MAML3: variants seen among roughly 807,000 people sequenced by gnomAD.
MAML3 encodes mastermind-like protein 3.
Under a neutral mutation model 101.9 loss-of-function variants are expected in MAML3, and 27 were observed. The ratio of observed to expected loss-of-function variants is 0.27; its 90% CI spans 0.20 to 0.37. MAML3 has a LOEUF of 0.37. Ranked by LOEUF, MAML3 falls within the 10% of genes least tolerant of loss-of-function variation. The probability of loss-of-function intolerance (pLI) is 1.00; values close to 1 mark genes in which losing one functional copy is unlikely to be tolerated. For synonymous variants in MAML3, 501 were observed against 555.9 expected, an observed-to-expected ratio of 0.90 and a Z score of 1.39; for missense variants, 1,316 against 1,444.9, an observed-to-expected ratio of 0.91 and a Z score of 1.45.
chr4:139,851,468 A>G (rs1166530718), intron 2 of MAML3, among the ~76,000 whole-genome samples: 1 of 152,262 alleles, frequency 6.6e-6, no homozygotes, highest in Non-Finnish European at 1.5e-5. Context: ...AAGAAAAGCA[A>G]GAGAAACAGC....
At chr4:140,047,426 C>T (rs562886063) in intron 1 of MAML3, among the ~76,000 whole-genome samples, 2 of 152,220 alleles carry the variant, frequency 1.3e-5, no homozygotes, top group South Asian at 4.2e-4. Flanking sequence ...GTTTACTTGG[C>T]GGAATTGCAG....
chr4:140,091,319 G>T (rs184416918), intron 1 of MAML3, among the ~76,000 whole-genome samples: 1 of 152,034 alleles, frequency 6.6e-6, no homozygotes, highest in East Asian at 1.9e-4. Context: ...GCCAAGAGAG[G>T]GGCTGAGCTT....
chr4:140,050,969 C>G (rs1040065075), intron 1 of MAML3, among the ~76,000 whole-genome samples: 1 of 152,196 alleles, frequency 6.6e-6, no homozygotes, highest in African/African-American at 2.4e-5. Flanking sequence ...TCTAGAAACT[C>G]CACTTCCAGT....
intron 2 of MAML3, among the ~76,000 whole-genome samples, chr4:139,857,273 T>G (rs981701541): frequency 6.6e-6 from 1 of 152,126 alleles, no homozygotes; most frequent in Admixed American, 6.5e-5. Flanking sequence ...GAAGGTCTGT[T>G]TTTGAGCTAG....
At position 139,720,034 on chromosome 4, in the gene MAML3, T is replaced by C; in HGVS notation, c.2706A>G (p.Gln902=). ...ITHNQAQGPR[Q]PASGQGVGMV... The stretch of plus-strand genomic sequence containing the variant: ...TTCCAACCCCCTGCCCAGAGGCAGG[T>C]TGCCTCGGTCCCTGGGCTTGGTTAT... Residue 902 remains glutamine (Q), a synonymous_variant, in exon 5 of 5, where the codon CAA becomes CAG. Transcript: ENST00000509479. 1 of 1,614,044 alleles carries C rather than the reference T, an allele frequency of 6.2e-7. No homozygotes were observed. Among genetic ancestry groups the C allele is most frequent in the African/African-American group, 1.3e-5 (1 of 75,078 alleles).
At chr4:140,015,121 A>G (rs1461210600) in intron 1 of MAML3, among the ~76,000 whole-genome samples, 2 of 152,224 alleles carry the variant, frequency 1.3e-5, no homozygotes, top group Non-Finnish European at 2.9e-5. Context: ...TCTTTGAAAT[A>G]TATATTCCCT....
At chr4:139,996,191 T>A (rs147433878) in intron 1 of MAML3, among the ~76,000 whole-genome samples, 128 of 152,324 alleles carry the variant, frequency 8.4e-4, no homozygotes, top group African/African-American at 2.8e-3. Flanking sequence ...TGAAGACTAT[T>A]CCCTGTGCAT....
intron 2 of MAML3, among the ~76,000 whole-genome samples, chr4:139,852,414 T>TGTTGTTG (rs1221197402): frequency 8.2e-5 from 11 of 134,230 alleles, no homozygotes; most frequent in African/African-American, 3.0e-4. Context: ...TTTTTTTTTT[T>TGTTGTTG]TTTTTTTTTT....
intron 1 of MAML3, among the ~76,000 whole-genome samples, chr4:140,092,142 G>T (rs1728071199): frequency 7.3e-6 from 1 of 137,848 alleles, no homozygotes; most frequent in South Asian, 2.2e-4. Flanking sequence ...AATATCAGAG[G>T]GTTAATGAAC....
intron 2 of MAML3, among the ~76,000 whole-genome samples, chr4:139,846,501 C>A (rs80023244): frequency 0.043 from 6,526 of 152,210 alleles, 168 homozygotes; most frequent in Non-Finnish European, 0.066. Context: ...GCGTGCACCA[C>A]CACACCAGGA....
chr4:139,856,069 T>C (rs1731656341), intron 2 of MAML3, among the ~76,000 whole-genome samples: 1 of 152,192 alleles, frequency 6.6e-6, no homozygotes, highest in South Asian at 2.1e-4. Flanking sequence ...AGTGCAACTG[T>C]CTGTCTATCT....
intron 1 of MAML3, among the ~76,000 whole-genome samples, chr4:140,141,421 G>A (rs1229274722): frequency 6.6e-6 from 1 of 152,234 alleles, no homozygotes; most frequent in Non-Finnish European, 1.5e-5. Context: ...CCTGTAGGAA[G>A]TGGCAACTCA....
At chr4:140,043,245 C>T (rs1727117362) in intron 1 of MAML3, among the ~76,000 whole-genome samples, 1 of 152,136 alleles carries the variant, frequency 6.6e-6, no homozygotes, top group Admixed American at 6.5e-5. Flanking sequence ...ATAGGAGACA[C>T]TTAGGTCTGC....
chr4:139,719,671 T>C lies in MAML3; in HGVS notation c.3069A>G (p.Pro1023=). 6.2e-7 allele frequency: 1 copy of C among 1,613,364 alleles called. No homozygotes were observed. Among genetic ancestry groups the C allele is most frequent in the Non-Finnish European group, 8.5e-7 (1 of 1,179,692 alleles). The change falls in exon 5 of 5, where the codon CCA becomes CCG. Residue 1023 remains proline, a synonymous_variant. Transcript: ENST00000509479. The part of the protein sequence containing the change: ...ANTGTVRTLN[P]AAMGRQMMPS... Reference sequence around the variant, plus strand: ...GCATCATCTGCCGACCCATGGCAGCTGGGTTGAGGGTCCTCACTGTGCCCG... The same window carrying C: ...GCATCATCTGCCGACCCATGGCAGCCGGGTTGAGGGTCCTCACTGTGCCCG...
chr4:139,766,038 T>C (rs1335503809), intron 2 of MAML3, among the ~76,000 whole-genome samples: 5 of 152,298 alleles, frequency 3.3e-5, no homozygotes, highest in South Asian at 2.1e-4. Flanking sequence ...CGAGCACCTA[T>C]GTGCTGAACA....
intron 2 of MAML3, among the ~76,000 whole-genome samples, chr4:139,830,185 C>T (rs1373002513): frequency 6.6e-6 from 1 of 152,154 alleles, no homozygotes; most frequent in Non-Finnish European, 1.5e-5. Flanking sequence ...AAGGACTCCA[C>T]GGCCATCTCA....
Position 140,092,120 on chromosome 4 carries a change from G to GTATA in MAML3, c.468+60736_468+60739dup, listed in dbSNP as rs59773240. 2.5e-3 allele frequency among the ~76,000 whole-genome samples: 342 copies of GTATA among 134,142 alleles called. 2 individuals carry two copies. The highest frequency in any genetic ancestry group is 8.0e-3 in the African/African-American group (283 of 35,424). 88.0% of individuals were successfully genotyped at this position (134,142 alleles called of 152,430 possible). A position where few individuals can be genotyped will look rare whatever the true frequency, so the allele number is the denominator to read the frequency against. ...TATATATACGTATATATATATATAC[G>GTATA]TATATATATATAATATCAGAGGGTT... On this transcript the variant is annotated intron_variant, in intron 1 of 4. Transcript: ENST00000509479.
At chr4:140,058,215 C>A (rs1484243299) in intron 1 of MAML3, among the ~76,000 whole-genome samples, 1 of 151,882 alleles carries the variant, frequency 6.6e-6, no homozygotes, top group Non-Finnish European at 1.5e-5. Context: ...GTAAAATAGA[C>A]CCATGTTTTC....
intron 1 of MAML3, among the ~76,000 whole-genome samples, chr4:139,947,680 C>T (rs1479602036): frequency 6.6e-6 from 1 of 152,130 alleles, no homozygotes; most frequent in Non-Finnish European, 1.5e-5. Flanking sequence ...AATCTAGCTA[C>T]CTGCTGTGAT....
Sources: gnomAD v4.1 joint callset for allele counts (sites outside exome capture counted in the v4.1 genomes callset) on GRCh38, gnomAD v4.1.1 for gene constraint, MANE v1.5 for transcripts, NCBI Gene and HGNC (gene_info 2026-07-23, HGNC 2026-07-21) for gene names.